DPYSL3: variants seen among roughly 807,000 people sequenced by gnomAD.
DPYSL3 encodes dihydropyrimidinase-related protein 3.
DPYSL3 carries 16 observed loss-of-function variants against 66.1 expected under a neutral mutation model. That is an observed-to-expected ratio of 0.24 (90% CI 0.16 to 0.37). DPYSL3 has a LOEUF of 0.37. Among genes scored for constraint, DPYSL3 ranks in the 10% least tolerant of loss-of-function variants. The probability of loss-of-function intolerance (pLI) is 1.00; values close to 1 mark genes in which losing one functional copy is unlikely to be tolerated. For synonymous variants in DPYSL3, 338 were observed against 345.1 expected, an observed-to-expected ratio of 0.98 and a Z score of 0.23; for missense variants, 738 against 916.2, an observed-to-expected ratio of 0.81 and a Z score of 2.51.
At chr5:147,504,828 T>C (rs1009542106) in intron 1 of DPYSL3, among the ~76,000 whole-genome samples, 14 of 152,166 alleles carry the variant, frequency 9.2e-5, no homozygotes, top group African/African-American at 3.4e-4. Flanking sequence ...AAGTTATCAA[T>C]AAAAACCCCT....
intron 1 of DPYSL3, among the ~76,000 whole-genome samples, chr5:147,449,850 A>C (rs990270968): frequency 1.3e-5 from 2 of 152,222 alleles, no homozygotes; most frequent in African/African-American, 4.8e-5. Context: ...AATAACTGTA[A>C]CTTATCAAAA....
chr5:147,418,360 A>C (rs1752013253), intron 3 of DPYSL3, 87 bp downstream of exon 3: 1 of 1,349,174 alleles, frequency 7.4e-7, no homozygotes, highest in East Asian at 2.4e-5. Flanking sequence ...ACAAGTATAC[A>C]AGTTATAGTA....
intron 1 of DPYSL3, among the ~76,000 whole-genome samples, chr5:147,443,519 T>A (rs928702915): frequency 1.3e-5 from 2 of 150,468 alleles, no homozygotes; most frequent in Non-Finnish European, 3.0e-5. Flanking sequence ...AGAGGATGGG[T>A]CAATAGGTGC....
intron 1 of DPYSL3, chr5:147,453,821 T>G: frequency 9.9e-7 from 1 of 1,011,438 alleles, no homozygotes. Flanking sequence ...CACACCCTCC[T>G]CCACCCGCGT....
At chr5:147,508,978 A>C (rs1005103563) in intron 1 of DPYSL3, among the ~76,000 whole-genome samples, 1 of 152,122 alleles carries the variant, frequency 6.6e-6, no homozygotes, top group African/African-American at 2.4e-5. Flanking sequence ...ATGTTTGAAG[A>C]CTGAGAGGGG....
rs760252867 is a variant in DPYSL3, at chr5:147,400,791, G to A, written c.1353C>T (p.Ser451=). The change falls in exon 10 of 14, where the codon AGC becomes AGT. Residue 451 remains serine, a synonymous_variant. Transcript: ENST00000343218. The part of the protein sequence containing the change: ...QLSGSAHCTF[S]TAQKAIGKDN... ...CCTTCCCAATTGCTTTCTGGGCAGT[G>A]CTGAAGGTGCAGTGGGCACTCCCAG... The A allele has an allele frequency of 1.9e-6, 3 of 1,614,186 alleles. No individual in the cohort carries two copies. Among genetic ancestry groups the A allele is most frequent in the Middle Eastern group, 1.6e-4 (1 of 6,062 alleles).
chr5:147,448,800 T>G (rs114758115), intron 1 of DPYSL3, among the ~76,000 whole-genome samples: 2,374 of 152,306 alleles, frequency 0.016, 62 homozygotes, highest in African/African-American at 0.055. Context: ...ACCTGAGGCC[T>G]TCTCCTAGTA....
chr5:147,452,001 A>C (rs752342853), intron 1 of DPYSL3, among the ~76,000 whole-genome samples: 45 of 152,260 alleles, frequency 3.0e-4, no homozygotes, highest in Non-Finnish European at 6.2e-4. Context: ...GTTAAAACCC[A>C]AAGCCTCTAC....
chr5:147,418,649 C>G lies in DPYSL3; in HGVS notation c.471-18G>C, dbSNP rs1378367256. On this transcript the variant is annotated intron_variant, in intron 2 of 13. Coordinates refer to ENST00000343218, the MANE Select transcript of DPYSL3 (RefSeq NM_001197294.2). ...CAATTTGTCTGGTGAAACAAACAAA[C>G]AAAAAAATGATCAAACACTTGGTCA... 2 of 1,549,704 alleles carry G rather than the reference C, an allele frequency of 1.3e-6. No homozygotes were observed. The highest frequency in any genetic ancestry group is 1.4e-5 in the African/African-American group (1 of 72,616).
intron 1 of DPYSL3, among the ~76,000 whole-genome samples, chr5:147,497,904 CTCTCTCTCTCTT>C (rs1049874655): frequency 1.3e-5 from 2 of 151,698 alleles, no homozygotes; most frequent in Non-Finnish European, 2.9e-5. Context: ...CCTTCTCTCT[CTCTCTCTCTCTT>C]TCTCTCTCTC....
chr5:147,465,702 G>A (rs1215815603), intron 1 of DPYSL3, among the ~76,000 whole-genome samples: 2 of 152,190 alleles, frequency 1.3e-5, no homozygotes, highest in African/African-American at 2.4e-5. Context: ...CATATGACCC[G>A]ATAGTTGGTT....
chr5:147,496,758 T>G (rs1753518824), intron 1 of DPYSL3, among the ~76,000 whole-genome samples: 1 of 151,824 alleles, frequency 6.6e-6, no homozygotes, highest in Admixed American at 6.6e-5. Flanking sequence ...CAACAGGTGC[T>G]GGAGAGGATG....
At chr5:147,492,238 G>T (rs939910661) in intron 1 of DPYSL3, among the ~76,000 whole-genome samples, 2 of 151,992 alleles carry the variant, frequency 1.3e-5, no homozygotes, top group African/African-American at 4.8e-5. Flanking sequence ...GAAATTGAGG[G>T]AATTTGTTTC....
chr5:147,424,331 A>C (rs1752147168), intron 2 of DPYSL3, among the ~76,000 whole-genome samples: 1 of 152,236 alleles, frequency 6.6e-6, no homozygotes, highest in Non-Finnish European at 1.5e-5. Context: ...TTTAAAGTTC[A>C]CTATGTAGGA....
intron 7 of DPYSL3, among the ~76,000 whole-genome samples, chr5:147,407,074 C>T (rs1758342911): frequency 6.6e-6 from 1 of 152,146 alleles, no homozygotes; most frequent in South Asian, 2.1e-4. Context: ...AACAGCATCA[C>T]TTGAGGTGGT....
Position 147,400,720 on chromosome 5 carries a change from C to T in DPYSL3, c.1424G>A (p.Arg475Gln), listed in dbSNP as rs1385600033. ...IPEGTNGVEE[R>Q]MSVIWDKAVA... ...AGCCTTGTCCCAGATGACAGACATC[C>T]GCTCCTCCACACCATTGGTGCCCTC... The change falls in exon 10 of 14, where the codon CGG (arginine) becomes CAG (glutamine). Residue 475 changes from arginine (R) to glutamine (Q), a missense_variant. Arg to Gln is a conservative substitution (Grantham distance 43, BLOSUM62 1). Coordinates refer to ENST00000343218, the MANE Select transcript of DPYSL3 (RefSeq NM_001197294.2). The T allele has an allele frequency of 5.6e-6, 9 of 1,614,102 alleles. No individual in the cohort carries two copies. The highest frequency in any genetic ancestry group is 7.6e-6 in the Non-Finnish European group (9 of 1,179,990).
intron 1 of DPYSL3, among the ~76,000 whole-genome samples, chr5:147,493,643 G>A (rs1036621808): frequency 3.3e-5 from 5 of 152,026 alleles, no homozygotes; most frequent in Admixed American, 1.3e-4. Context: ...CCAGCAGACA[G>A]AAAATTAATA....
At chr5:147,402,364 T>A (rs1348740401) in intron 8 of DPYSL3, among the ~76,000 whole-genome samples, 32 of 135,126 alleles carry the variant, frequency 2.4e-4, no homozygotes, top group African/African-American at 1.1e-3. Context: ...CTTTTTTTTT[T>A]TGAGACGGAG....
At chr5:147,432,825 T>G (rs149350207) in intron 1 of DPYSL3, among the ~76,000 whole-genome samples, 32 of 152,338 alleles carry the variant, frequency 2.1e-4, no homozygotes, top group African/African-American at 7.7e-4. Flanking sequence ...TCATAAATTC[T>G]AAACTAGTAT....
Sources: gnomAD v4.1 joint callset for allele counts (sites outside exome capture counted in the v4.1 genomes callset) on GRCh38, gnomAD v4.1.1 for gene constraint, MANE v1.5 for transcripts, NCBI Gene and HGNC (gene_info 2026-07-23, HGNC 2026-07-21) for gene names.